Variants in SUGCT observed in about 807,000 individuals in gnomAD.
The protein encoded by SUGCT is succinyl-CoA:glutarate-CoA transferase.
A neutral mutation model predicts 55.0 loss-of-function variants in SUGCT; 41 were observed. That is an observed-to-expected ratio of 0.74 (90% CI 0.58 to 0.97). The LOEUF (loss-of-function observed/expected upper bound fraction) is 0.97, where lower values mean the gene tolerates loss of function less well. Among genes scored for constraint, SUGCT ranks in the 50% least tolerant of loss-of-function variants. The probability of loss-of-function intolerance (pLI) is 0.00; values close to 1 mark genes in which losing one functional copy is unlikely to be tolerated. For missense variants in SUGCT, 568 were observed against 547.8 expected, an observed-to-expected ratio of 1.04 and a Z score of -0.37; for synonymous variants, 187 against 200.4, an observed-to-expected ratio of 0.93 and a Z score of 0.56.
the SUGCT span, among the ~76,000 whole-genome samples, chr7:40,882,275 T>C: frequency 2.6e-5 from 4 of 152,248 alleles, no homozygotes; most frequent in Non-Finnish European, 5.9e-5. Flanking sequence ...AAGCTCTGTT[T>C]ACTTCTATTC....
At chr7:40,483,697 G>GA (rs11367132) in intron 11 of SUGCT, among the ~76,000 whole-genome samples, 60 of 145,168 alleles carry the variant, frequency 4.1e-4, no homozygotes, top group South Asian at 8.7e-4. Flanking sequence ...CAGTTTCACT[G>GA]AAAAAAAAAA....
chr7:40,799,995 A>T (rs1157032233), intron 13 of SUGCT, among the ~76,000 whole-genome samples: 2 of 152,218 alleles, frequency 1.3e-5, no homozygotes, highest in Non-Finnish European at 2.9e-5. Flanking sequence ...CACAAGTGCT[A>T]CAGTGGCTCC....
the SUGCT span, among the ~76,000 whole-genome samples, chr7:40,959,595 T>C: frequency 6.6e-6 from 1 of 152,154 alleles, no homozygotes; most frequent in Non-Finnish European, 1.5e-5. Flanking sequence ...GGATCTTAGC[T>C]TGCTGGGCTC....
chr7:40,810,666 C>A (rs1329520513), intron 13 of SUGCT, among the ~76,000 whole-genome samples: 1 of 152,030 alleles, frequency 6.6e-6, no homozygotes, highest in Non-Finnish European at 1.5e-5. Context: ...AGGTATTAGA[C>A]CTTTGTTGGA....
intron 9 of SUGCT, among the ~76,000 whole-genome samples, chr7:40,437,802 T>G (rs1415971763): frequency 6.6e-6 from 1 of 152,180 alleles, no homozygotes; most frequent in Non-Finnish European, 1.5e-5. Flanking sequence ...CAGTGGGTGA[T>G]GAAGTCATTT....
rs528142615 is a variant in SUGCT, at chr7:40,155,241, C to T, written c.100+20121C>T. Among the ~76,000 whole-genome samples the T allele has an allele frequency of 1.8e-3, 270 of 151,248 alleles. 1 individual carries two copies. Among genetic ancestry groups the T allele is most frequent in the Non-Finnish European group, 3.4e-3 (229 of 67,908 alleles). ...CGGAGGTTGCAGTGAGCCAAGATTGCGCCACTGCACTCCAGCCTGGGCAAC... is the reference window on the plus strand; with the variant it reads ...CGGAGGTTGCAGTGAGCCAAGATTGTGCCACTGCACTCCAGCCTGGGCAAC... On this transcript the variant is annotated intron_variant, in intron 1 of 13. Transcript: ENST00000335693.
At chr7:40,444,789 C>G (rs1788719131) in intron 9 of SUGCT, among the ~76,000 whole-genome samples, 2 of 152,120 alleles carry the variant, frequency 1.3e-5, no homozygotes, top group Non-Finnish European at 2.9e-5. Context: ...AGAGGGCATC[C>G]TTGTCTTGTG....
At chr7:40,547,363 C>A (rs1342752072) in intron 12 of SUGCT, among the ~76,000 whole-genome samples, 1 of 152,228 alleles carries the variant, frequency 6.6e-6, no homozygotes, top group African/African-American at 2.4e-5. Flanking sequence ...AATGTCTGGG[C>A]ACCCTGTGGC....
intron 1 of SUGCT, among the ~76,000 whole-genome samples, chr7:40,146,805 T>C (rs927109156): frequency 6.6e-6 from 1 of 152,236 alleles, no homozygotes; most frequent in East Asian, 1.9e-4. Flanking sequence ...GGCCAGATTT[T>C]GGGGCCTGTT....
intron 13 of SUGCT, among the ~76,000 whole-genome samples, chr7:40,849,405 A>G (rs1185732964): frequency 6.6e-6 from 1 of 152,150 alleles, no homozygotes; most frequent in African/African-American, 2.4e-5. Flanking sequence ...AGTTTGTTTC[A>G]TTGCTGTAGA....
At chr7:40,527,003 T>C (rs938961965) in intron 12 of SUGCT, among the ~76,000 whole-genome samples, 36 of 152,220 alleles carry the variant, frequency 2.4e-4, no homozygotes, top group African/African-American at 8.2e-4. Context: ...TTTCTTACTT[T>C]TTTTTCAGTT....
chr7:40,387,473 C>T (rs1182664327), intron 9 of SUGCT, among the ~76,000 whole-genome samples: 1 of 152,134 alleles, frequency 6.6e-6, no homozygotes, highest in East Asian at 1.9e-4. Context: ...ACCTGAGTCA[C>T]TATTTTTCTG....
chr7:40,761,650 C>T (rs1365598993), intron 13 of SUGCT, among the ~76,000 whole-genome samples: 1 of 152,150 alleles, frequency 6.6e-6, no homozygotes, highest in Non-Finnish European at 1.5e-5. Flanking sequence ...ACCATCTTTC[C>T]TGCAGTTATT....
chr7:40,931,880 G>T, the SUGCT span, among the ~76,000 whole-genome samples: 1 of 152,126 alleles, frequency 6.6e-6, no homozygotes, highest in Non-Finnish European at 1.5e-5. Flanking sequence ...CCAGCTCCTG[G>T]ATTCATTGAT....
chr7:40,890,015 T>G, the SUGCT span, among the ~76,000 whole-genome samples: 2 of 151,874 alleles, frequency 1.3e-5, no homozygotes, highest in Non-Finnish European at 2.9e-5. Context: ...ATCGTTCACT[T>G]AGCAGTGACA....
chr7:40,346,490 T>C (rs990120993), intron 9 of SUGCT, among the ~76,000 whole-genome samples: 1 of 152,210 alleles, frequency 6.6e-6, no homozygotes, highest in East Asian at 1.9e-4. Flanking sequence ...AATCTAGCCT[T>C]CACAGTTTTC....
intron 9 of SUGCT, among the ~76,000 whole-genome samples, chr7:40,402,383 T>C (rs1786122010): frequency 6.6e-6 from 1 of 152,332 alleles, no homozygotes. Context: ...CTGTCTTCTC[T>C]TACTGTGCTA....
chr7:40,239,868 A>G (rs781307181), intron 7 of SUGCT, among the ~76,000 whole-genome samples: 5 of 152,182 alleles, frequency 3.3e-5, no homozygotes, highest in Non-Finnish European at 5.9e-5. Context: ...ACATGGACAC[A>G]TCTTTCATTC....
intron 13 of SUGCT, among the ~76,000 whole-genome samples, chr7:40,856,710 G>A (rs770024541): frequency 6.6e-6 from 1 of 152,152 alleles, no homozygotes; most frequent in Non-Finnish European, 1.5e-5. Flanking sequence ...TATGAAAATT[G>A]TGAACATTCC....
Sources: gnomAD v4.1 joint callset for allele counts (sites outside exome capture counted in the v4.1 genomes callset) on GRCh38, gnomAD v4.1.1 for gene constraint, MANE v1.5 for transcripts, NCBI Gene and HGNC (gene_info 2026-07-23, HGNC 2026-07-21) for gene names.